SYN3: variants seen among roughly 807,000 people sequenced by gnomAD.
SYN3 encodes synapsin-3.
A neutral mutation model predicts 65.8 loss-of-function variants in SYN3; 35 were observed. The ratio of observed to expected loss-of-function variants is 0.53; its 90% CI spans 0.41 to 0.70. The LOEUF (loss-of-function observed/expected upper bound fraction) is 0.70. Ranked by LOEUF, SYN3 falls within the 30% of genes least tolerant of loss-of-function variation. The pLI is 0.00. For missense variants in SYN3, 680 were observed against 749.0 expected (o/e 0.91, Z 1.08); for synonymous variants, 270 against 292.9 (o/e 0.92, Z 0.80).
chr22:32,597,421 G>T (rs2059218555), intron 6 of SYN3, among the ~76,000 whole-genome samples: 1 of 151,866 alleles, frequency 6.6e-6, no homozygotes, highest in Non-Finnish European at 1.5e-5. Flanking sequence ...TCACCATGTT[G>T]GCCAGGCTGG....
Position 32,623,068 on chromosome 22 carries a change from C to A in SYN3, c.712-26332G>T, listed in dbSNP as rs114651503. Among the ~76,000 whole-genome samples, 1,226 of 152,078 alleles carry A rather than the reference C, an allele frequency of 8.1e-3. 21 individuals are homozygous for A. Among genetic ancestry groups the A allele is most frequent in the African/African-American group, 0.028 (1,173 of 41,488 alleles). On this transcript the variant is annotated intron_variant, in intron 6 of 13. Coordinates refer to ENST00000358763, the MANE Select transcript of SYN3 (RefSeq NM_003490.4). The stretch of plus-strand genomic sequence containing the variant: ...TGTCTACCACAACAGATTAGCCAAA[C>A]AGCTATTTAAAAAAGGGATCAGACT...
chr22:32,916,166 T>A (rs1190597647), intron 4 of SYN3, among the ~76,000 whole-genome samples: 1 of 152,206 alleles, frequency 6.6e-6, no homozygotes, highest in Non-Finnish European at 1.5e-5. Flanking sequence ...AGACTGAATG[T>A]GAAGTTTACT....
At chr22:32,971,788 T>C (rs890501574) in intron 3 of SYN3, among the ~76,000 whole-genome samples, 75 of 152,300 alleles carry the variant, frequency 4.9e-4, no homozygotes, top group African/African-American at 1.7e-3. Context: ...GGGATGGATA[T>C]TAGCCTGGGG....
intron 6 of SYN3, among the ~76,000 whole-genome samples, chr22:32,719,457 T>C (rs1437108092): frequency 2.0e-5 from 3 of 152,228 alleles, no homozygotes; most frequent in African/African-American, 4.8e-5. Flanking sequence ...ATAAGTTCCA[T>C]GAAGATAGGG....
intron 1 of SYN3, among the ~76,000 whole-genome samples, chr22:33,010,550 T>G (rs570291175): frequency 6.6e-6 from 1 of 152,340 alleles, no homozygotes; most frequent in East Asian, 1.9e-4. Context: ...TATTCTTACA[T>G]TTATTGATTG....
chr22:32,648,300 A>C (rs2060013103), intron 6 of SYN3, among the ~76,000 whole-genome samples: 1 of 152,188 alleles, frequency 6.6e-6, no homozygotes, highest in Non-Finnish European at 1.5e-5. Context: ...TGAATTCAAT[A>C]ATATTGCTTT....
At chr22:32,735,033 G>A (rs1273381724) in intron 6 of SYN3, among the ~76,000 whole-genome samples, 3 of 152,278 alleles carry the variant, frequency 2.0e-5, no homozygotes, top group African/African-American at 4.8e-5. Flanking sequence ...GGGCAATTGC[G>A]CAGGATTTGG....
intron 4 of SYN3, among the ~76,000 whole-genome samples, chr22:32,871,903 C>G (rs917080047): frequency 6.6e-6 from 1 of 152,118 alleles, no homozygotes; most frequent in East Asian, 1.9e-4. Context: ...GTTGGAATTA[C>G]AGGCATGAAC....
intron 3 of SYN3, among the ~76,000 whole-genome samples, chr22:32,933,898 A>G (rs1486270450): frequency 1.3e-5 from 2 of 152,210 alleles, no homozygotes; most frequent in African/African-American, 2.4e-5. Flanking sequence ...ACTTAACTGT[A>G]TCTCCTTGGA....
chr22:32,947,528 CAG>C (rs2146801258), intron 3 of SYN3: 1 of 152,300 alleles, frequency 6.6e-6, no homozygotes, highest in Non-Finnish European at 1.5e-5. Context: ...TGTTTTCAGG[CAG>C]AGAGCAGGGG....
intron 6 of SYN3, among the ~76,000 whole-genome samples, chr22:32,827,112 A>C (rs2146101353): frequency 6.6e-6 from 1 of 152,278 alleles, no homozygotes; most frequent in South Asian, 2.1e-4. Context: ...CGAGTGAATA[A>C]ATCTCCAGCC....
Position 32,549,017 on chromosome 22 carries a change from T to C in SYN3, c.775-7304A>G, listed in dbSNP as rs1216063920. ...AGCTGTGGATGGAGCTGGAGGGATGTTGGGATGGTCCTCTGGCCAGAGGAG... is the reference window on the plus strand; with the variant it reads ...AGCTGTGGATGGAGCTGGAGGGATGCTGGGATGGTCCTCTGGCCAGAGGAG... On this transcript the variant is annotated intron_variant, in intron 7 of 13. Transcript: ENST00000358763. Among the ~76,000 whole-genome samples, 5 of 151,758 alleles carry C rather than the reference T, an allele frequency of 3.3e-5. No individual in the cohort carries two copies. The East Asian group carries it at 5.8e-4, about 18-fold the overall frequency.
At chr22:32,714,124 A>C (rs534176101) in intron 6 of SYN3, among the ~76,000 whole-genome samples, 1 of 152,172 alleles carries the variant, frequency 6.6e-6, no homozygotes, top group Non-Finnish European at 1.5e-5. Context: ...TAGCTTTTCC[A>C]TGGAAAAGTG....
chr22:32,680,904 T>C (rs1327054932), intron 6 of SYN3, among the ~76,000 whole-genome samples: 1 of 152,242 alleles, frequency 6.6e-6, no homozygotes, highest in Non-Finnish European at 1.5e-5. Context: ...GCTGACTTTT[T>C]TCTATGCTCT....
chr22:32,893,116 C>T (rs1274043485), intron 4 of SYN3, among the ~76,000 whole-genome samples: 1 of 152,178 alleles, frequency 6.6e-6, no homozygotes, highest in African/African-American at 2.4e-5. Context: ...TGCCTGGGTT[C>T]TAGTCTCGCT....
At chr22:32,948,507 C>A (rs993809953) in intron 3 of SYN3, among the ~76,000 whole-genome samples, 5 of 152,018 alleles carry the variant, frequency 3.3e-5, no homozygotes, top group African/African-American at 9.7e-5. Context: ...GAGGCCGAGG[C>A]GGGCAGATCA....
At chr22:32,779,888 G>T (rs938197710) in intron 6 of SYN3, among the ~76,000 whole-genome samples, 17 of 152,022 alleles carry the variant, frequency 1.1e-4, no homozygotes, top group Admixed American at 1.0e-3. Context: ...GGGCAGAAAA[G>T]CCAAACACAG....
chr22:32,913,196 T>C (rs1168259942), intron 4 of SYN3, among the ~76,000 whole-genome samples: 1 of 151,876 alleles, frequency 6.6e-6, no homozygotes, highest in African/African-American at 2.4e-5. Context: ...AGTCTCGCTC[T>C]GTCGCCCAGG....
At position 32,553,566 on chromosome 22, in the gene SYN3, AAAGTGTGCTATGAG is replaced by A. The variant is rs1219422124; in HGVS notation, c.775-11867_775-11854del. ...CAAGAAGACAAAGTTGCTATTTCCCAAAGTGTGCTATGAGAGACTGCTATAGTCAAGACCTAGCA... is the reference window on the plus strand; with the variant it reads ...CAAGAAGACAAAGTTGCTATTTCCCAAGACTGCTATAGTCAAGACCTAGCA... On this transcript the variant is annotated intron_variant, in intron 7 of 13. Transcript: ENST00000358763. Among the ~76,000 whole-genome samples the A allele has an allele frequency of 2.0e-5, 3 of 152,218 alleles. No homozygotes were observed. The East Asian group carries it at 5.8e-4, about 29-fold the overall frequency.
Sources: gnomAD v4.1 joint callset for allele counts (sites outside exome capture counted in the v4.1 genomes callset) on GRCh38, gnomAD v4.1.1 for gene constraint, MANE v1.5 for transcripts, NCBI Gene and HGNC (gene_info 2026-07-23, HGNC 2026-07-21) for gene names.